The following WWOX variants were observed in gnomAD, a reference collection of about 807,000 sequenced individuals.
WWOX encodes WW domain containing oxidoreductase.
WWOX carries 69 observed loss-of-function variants against 46.2 expected under a neutral mutation model. The observed-to-expected ratio is 1.49, with a 90% confidence interval of 1.23 to 1.82. WWOX has a LOEUF of 1.82. Among genes scored for constraint, WWOX ranks in the 40% most tolerant of loss-of-function variants. The pLI is 0.00. For missense variants in WWOX, 919 were observed against 542.6 expected (o/e 1.69, Z -6.89); for synonymous variants, 359 against 202.6 (o/e 1.77, Z -6.56).
intron 8 of WWOX, among the ~76,000 whole-genome samples, chr16:78,578,412 C>T (rs1022897031): frequency 9.4e-5 from 14 of 148,962 alleles, no homozygotes; most frequent in African/African-American, 3.5e-4. Flanking sequence ...GCCTCAGCCT[C>T]CTGAGTAGCT....
intron 5 of WWOX, among the ~76,000 whole-genome samples, chr16:78,280,323 CAT>C (rs1420013890): frequency 6.6e-5 from 10 of 152,278 alleles, no homozygotes; most frequent in African/African-American, 9.6e-5. Context: ...ATATATTTCA[CAT>C]GTTTTAAGAT....
intron 8 of WWOX, among the ~76,000 whole-genome samples, chr16:78,792,350 T>C (rs2050628116): frequency 6.6e-6 from 1 of 152,124 alleles, no homozygotes; most frequent in Non-Finnish European, 1.5e-5. Context: ...ATGTATCCTT[T>C]TCATGGTTAA....
At chr16:78,558,991 C>T (rs1482914963) in intron 8 of WWOX, among the ~76,000 whole-genome samples, 1 of 152,188 alleles carries the variant, frequency 6.6e-6, no homozygotes, top group African/African-American at 2.4e-5. Context: ...TCCCTGACTA[C>T]AAGGACTTTG....
intron 4 of WWOX, among the ~76,000 whole-genome samples, chr16:78,136,387 G>A (rs1159072322): frequency 6.6e-6 from 1 of 152,200 alleles, no homozygotes; most frequent in Non-Finnish European, 1.5e-5. Flanking sequence ...CCAGGACAGG[G>A]TGAGCAAAGG....
intron 5 of WWOX, among the ~76,000 whole-genome samples, chr16:78,355,013 T>C (rs2081256492): frequency 6.6e-6 from 1 of 152,072 alleles, no homozygotes; most frequent in East Asian, 1.9e-4. Context: ...ATGTCTGTAG[T>C]CACAGCTACT....
rs372134808 is a variant in WWOX, at chr16:78,637,394, C to G, written c.1056+204642C>G. Among the ~76,000 whole-genome samples the G allele has an allele frequency of 4.6e-4, 69 of 151,090 alleles. 1 individual carries two copies. Among genetic ancestry groups the G allele is most frequent in the Admixed American group, 4.5e-3 (69 of 15,172 alleles). On this transcript the variant is annotated intron_variant, in intron 8 of 8. Coordinates refer to ENST00000566780, the MANE Select transcript of WWOX (RefSeq NM_016373.4). ...AGGCAGAGGTTGCAGTGAGCCAAGA[C>G]AGTGCCACTGTGTTCCAGCCTGGGC...
chr16:78,896,869 T>G (rs1247479796), intron 8 of WWOX: 2 of 151,726 alleles, frequency 1.3e-5, no homozygotes, highest in Non-Finnish European at 2.9e-5. Context: ...AAATATACAG[T>G]TCTCTGGATT....
At chr16:79,001,148 T>G (rs2047084641) in intron 8 of WWOX, among the ~76,000 whole-genome samples, 1 of 152,202 alleles carries the variant, frequency 6.6e-6, no homozygotes, top group South Asian at 2.1e-4. Flanking sequence ...GTCAGGGAGC[T>G]GCGATTTAAT....
At chr16:79,138,506 A>G (rs1021886801) in intron 8 of WWOX, among the ~76,000 whole-genome samples, 3 of 152,222 alleles carry the variant, frequency 2.0e-5, no homozygotes, top group African/African-American at 7.2e-5. Flanking sequence ...CTGTGGCCCC[A>G]CTGTGCCATA....
chr16:78,904,759 T>C (rs1413479810), intron 8 of WWOX, among the ~76,000 whole-genome samples: 3 of 152,246 alleles, frequency 2.0e-5, no homozygotes, highest in Non-Finnish European at 4.4e-5. Flanking sequence ...TCACACTTAG[T>C]ACTTTCTAAA....
At chr16:78,922,380 AT>A (rs33954701) in intron 8 of WWOX, among the ~76,000 whole-genome samples, 76,246 of 137,318 alleles carry the variant, frequency 0.56, 21,706 homozygotes, top group Non-Finnish European at 0.65. Flanking sequence ...TATTTCAGTG[AT>A]TTTTTTTTTT....
At chr16:78,140,049 G>A (rs570274623) in intron 4 of WWOX, among the ~76,000 whole-genome samples, 1 of 152,188 alleles carries the variant, frequency 6.6e-6, no homozygotes, top group Non-Finnish European at 1.5e-5. Context: ...ATCCCATGCT[G>A]CAGAGTCAGA....
chr16:78,132,503 C>A (rs1186742700), intron 4 of WWOX, among the ~76,000 whole-genome samples: 1 of 152,162 alleles, frequency 6.6e-6, no homozygotes, highest in African/African-American at 2.4e-5. Flanking sequence ...GCTTCCATTG[C>A]TTGCCTTTTG....
chr16:78,373,299 G>C (rs1020400710), intron 5 of WWOX, among the ~76,000 whole-genome samples: 1 of 152,162 alleles, frequency 6.6e-6, no homozygotes, highest in Admixed American at 6.5e-5. Flanking sequence ...CTGATTGACA[G>C]TTGGCTTTGT....
intron 8 of WWOX, among the ~76,000 whole-genome samples, chr16:79,099,707 A>T (rs953508904): frequency 1.3e-5 from 2 of 152,204 alleles, no homozygotes; most frequent in Non-Finnish European, 2.9e-5. Flanking sequence ...ATGGGCCGAA[A>T]ATAACATGAA....
chr16:78,588,439 T>C (rs192282978), intron 8 of WWOX, among the ~76,000 whole-genome samples: 52 of 152,338 alleles, frequency 3.4e-4, no homozygotes, highest in African/African-American at 1.2e-3. Context: ...CTCAGGAAGT[T>C]CTTGTTCAGC....
intron 8 of WWOX, among the ~76,000 whole-genome samples, chr16:79,021,673 G>C (rs1391162803): frequency 6.6e-6 from 1 of 152,150 alleles, no homozygotes; most frequent in South Asian, 2.1e-4. Context: ...CTTCTCACAC[G>C]ATCGCAGTGC....
chr16:79,189,560 C>G (rs142943431), intron 8 of WWOX, among the ~76,000 whole-genome samples: 1 of 151,964 alleles, frequency 6.6e-6, no homozygotes, highest in East Asian at 1.9e-4. Context: ...CTTGGCCTCT[C>G]AAAGTGCTAG....
intron 8 of WWOX, among the ~76,000 whole-genome samples, chr16:78,876,866 G>C (rs2044244435): frequency 1.3e-5 from 2 of 152,118 alleles, no homozygotes; most frequent in Non-Finnish European, 2.9e-5. Flanking sequence ...GCTCTTTCTA[G>C]TTTGGGGCAT....
Sources: allele counts gnomAD v4.1 joint callset (sites outside exome capture counted in the v4.1 genomes callset), GRCh38; gene constraint gnomAD v4.1.1; transcripts MANE v1.5; gene names NCBI Gene and HGNC (gene_info 2026-07-23, HGNC 2026-07-21).